Variants in MARCHF1 observed in about 807,000 individuals in gnomAD.
MARCHF1 encodes the protein E3 ubiquitin-protein ligase MARCHF1.
A neutral mutation model predicts 54.2 loss-of-function variants in MARCHF1; 40 were observed. That is an observed-to-expected ratio of 0.74 (90% CI 0.57 to 0.96). The LOEUF is 0.96. MARCHF1 is among the 40% of genes least tolerant of loss of function. MARCHF1 has a pLI of 0.00. For synonymous variants in MARCHF1, 236 were observed against 236.3 expected, an observed-to-expected ratio of 1.00 and a Z score of 0.01; for missense variants, 586 against 656.5, an observed-to-expected ratio of 0.89 and a Z score of 1.17.
At chr4:164,247,043 G>T (rs1339180832) in intron 1 of MARCHF1, among the ~76,000 whole-genome samples, 1 of 43,552 alleles carries the variant, frequency 2.3e-5, no homozygotes, top group Non-Finnish European at 5.1e-5. Flanking sequence ...GTGGAAGTCA[G>T]TGTGGCGATT....
At chr4:164,358,604 G>A (rs1459654815) in intron 1 of MARCHF1, among the ~76,000 whole-genome samples, 2 of 152,048 alleles carry the variant, frequency 1.3e-5, no homozygotes, top group African/African-American at 4.8e-5. Flanking sequence ...GATATTACTG[G>A]GTAAATGGTA....
At chr4:164,323,291 A>G (rs1454460716) in intron 1 of MARCHF1, among the ~76,000 whole-genome samples, 2 of 151,762 alleles carry the variant, frequency 1.3e-5, no homozygotes, top group African/African-American at 2.4e-5. Context: ...CAAAACTGAA[A>G]TATAAGCTAT....
chr4:163,723,909 T>C (rs1439226265), intron 4 of MARCHF1, among the ~76,000 whole-genome samples: 1 of 151,992 alleles, frequency 6.6e-6, no homozygotes, highest in African/African-American at 2.4e-5. Context: ...ACTGGTTATT[T>C]TAGTTAGCCA....
intron 4 of MARCHF1, among the ~76,000 whole-genome samples, chr4:163,845,563 C>A (rs1236925799): frequency 6.6e-6 from 1 of 151,414 alleles, no homozygotes; most frequent in African/African-American, 2.4e-5. Flanking sequence ...AAATTAAGAT[C>A]TTAAAAAACT....
intron 2 of MARCHF1, among the ~76,000 whole-genome samples, chr4:164,035,633 C>CAAAAAAAAAAAA (rs34846855): frequency 6.9e-6 from 1 of 144,220 alleles, no homozygotes; most frequent in Non-Finnish European, 1.5e-5. Context: ...ATAAAGAATA[C>CAAAAAAAAAAAA]AAAAAAAAAA....
At chr4:164,256,107 A>C (rs1231176584) in intron 1 of MARCHF1, among the ~76,000 whole-genome samples, 1 of 152,152 alleles carries the variant, frequency 6.6e-6, no homozygotes, top group African/African-American at 2.4e-5. Context: ...CCTGGTCAAC[A>C]TAGTGGTACC....
chr4:163,881,078 G>A (rs1371932120), intron 3 of MARCHF1, among the ~76,000 whole-genome samples: 3 of 152,108 alleles, frequency 2.0e-5, no homozygotes, highest in Non-Finnish European at 4.4e-5. Flanking sequence ...AAAAGACATG[G>A]GAGCTGGAAA....
chr4:164,191,047 A>T (rs1731110600), intron 1 of MARCHF1, among the ~76,000 whole-genome samples: 1 of 152,204 alleles, frequency 6.6e-6, no homozygotes, highest in Admixed American at 6.5e-5. Context: ...GATCCACAGA[A>T]TTGTGCAAAT....
At chr4:164,077,111 G>A (rs765449657) in intron 2 of MARCHF1, among the ~76,000 whole-genome samples, 12 of 152,060 alleles carry the variant, frequency 7.9e-5, no homozygotes, top group South Asian at 2.1e-4. Context: ...GAGGCATCAC[G>A]CTACTTGACT....
At chr4:164,035,625 A>G (rs886802606) in intron 2 of MARCHF1, among the ~76,000 whole-genome samples, 1 of 48,340 alleles carries the variant, frequency 2.1e-5, no homozygotes, top group Non-Finnish European at 3.8e-5. Context: ...TGCCAGAGAT[A>G]AAGAATACAA....
At chr4:164,011,505 T>C (rs1253591845) in intron 2 of MARCHF1, among the ~76,000 whole-genome samples, 6 of 152,136 alleles carry the variant, frequency 3.9e-5, no homozygotes, top group South Asian at 2.1e-4. Flanking sequence ...GGCCAATAGG[T>C]ATATTTAAAA....
chr4:163,791,554 C>T (rs1167932346), intron 4 of MARCHF1, among the ~76,000 whole-genome samples: 1 of 152,118 alleles, frequency 6.6e-6, no homozygotes, highest in East Asian at 1.9e-4. Context: ...TTCTGATTGA[C>T]AAGCGTGGAT....
At chr4:163,717,620 A>G (rs566202385) in intron 4 of MARCHF1, among the ~76,000 whole-genome samples, 73 of 152,282 alleles carry the variant, frequency 4.8e-4, no homozygotes, top group Admixed American at 1.4e-3. Context: ...CCAACAGTGT[A>G]AAAATGTTCC....
At chr4:164,019,805 G>T (rs1474252770) in intron 2 of MARCHF1, among the ~76,000 whole-genome samples, 1 of 152,144 alleles carries the variant, frequency 6.6e-6, no homozygotes, top group Non-Finnish European at 1.5e-5. Flanking sequence ...CCCTTATTTG[G>T]GATAGTATAG....
chr4:163,812,191 C>A (rs1382656402), intron 4 of MARCHF1, among the ~76,000 whole-genome samples: 1 of 151,934 alleles, frequency 6.6e-6, no homozygotes, highest in Non-Finnish European at 1.5e-5. Flanking sequence ...GACTTCTCAG[C>A]CTCCATAATA....
chr4:163,527,924 T>TA lies in MARCHF1; in HGVS notation c.*823dup. On this transcript the variant is annotated 3_prime_UTR_variant, in exon 10 of 10. Coordinates refer to ENST00000514618, the MANE Select transcript of MARCHF1 (RefSeq NM_001394959.1). ...CAAACAAACATTTATTTTTACTTTT[T>TA]AAAATAGGGCTACTGGGAAGTTAAA... 6.6e-6 allele frequency: 1 copy of TA among 152,464 alleles called. No homozygotes were observed. Among genetic ancestry groups the TA allele is most frequent in the Non-Finnish European group, 1.5e-5 (1 of 67,982 alleles). The allele number at this position is 152,464 out of a possible 1,614,324, so 9.4% of individuals were successfully genotyped here.
In MARCHF1 at chr4:163,587,647, A is replaced by C. The variant is rs912060865; in HGVS notation, c.1011-1718T>G. On this transcript the variant is annotated intron_variant, in intron 7 of 9. Coordinates refer to ENST00000514618, the MANE Select transcript of MARCHF1 (RefSeq NM_001394959.1). Reference sequence around the variant, plus strand: ...AGGGTGGTGGGAAGTAAAGTTTGAAAAACTACCTATGAAGTCCTTTGTTCA... The same window carrying C: ...AGGGTGGTGGGAAGTAAAGTTTGAACAACTACCTATGAAGTCCTTTGTTCA... Among the ~76,000 whole-genome samples the C allele has an allele frequency of 2.0e-5, 3 of 152,240 alleles. No homozygotes were observed. The South Asian group carries it at 6.2e-4, about 32-fold the overall frequency.
intron 1 of MARCHF1, among the ~76,000 whole-genome samples, chr4:164,146,417 A>T (rs992795015): frequency 2.6e-5 from 4 of 152,116 alleles, no homozygotes; most frequent in Non-Finnish European, 5.9e-5. Flanking sequence ...ACCTGACTTC[A>T]AACTATACTA....
At chr4:163,758,760 C>T (rs984915078) in intron 4 of MARCHF1, among the ~76,000 whole-genome samples, 5 of 152,168 alleles carry the variant, frequency 3.3e-5, no homozygotes, top group Non-Finnish European at 7.4e-5. Flanking sequence ...TTGGTTCTGA[C>T]CTCCTAAAAT....
Sources: gnomAD v4.1 joint callset for allele counts (sites outside exome capture counted in the v4.1 genomes callset) on GRCh38, gnomAD v4.1.1 for gene constraint, MANE v1.5 for transcripts, NCBI Gene and HGNC (gene_info 2026-07-23, HGNC 2026-07-21) for gene names.